The following PTPRS variants were observed in gnomAD, a reference collection of about 807,000 sequenced individuals.
The protein encoded by PTPRS is receptor-type tyrosine-protein phosphatase S.
In PTPRS, 63 loss-of-function variants were observed where a neutral mutation model predicts 215.3. The observed-to-expected ratio is 0.29, with a 90% confidence interval of 0.24 to 0.36. PTPRS has a LOEUF of 0.36. PTPRS is among the 10% of genes least tolerant of loss of function. The probability of loss-of-function intolerance (pLI) is 1.00; values close to 1 mark genes in which losing one functional copy is unlikely to be tolerated. For missense variants in PTPRS, 2,258 were observed against 2,825.8 expected (o/e 0.80, Z 4.56); for synonymous variants, 1,404 against 1,191.4 (o/e 1.18, Z -3.68).
chr19:5,292,835 C>CG (rs1220603613), intron 1 of PTPRS: 1 of 143,806 alleles, frequency 7.0e-6, no homozygotes, highest in African/African-American at 2.5e-5. Context: ...GCTCCGCCCC[C>CG]GGGAGGTGGG....
intron 1 of PTPRS, among the ~76,000 whole-genome samples, chr19:5,311,292 A>T (rs79963700): frequency 4.9e-4 from 75 of 152,280 alleles, no homozygotes; most frequent in Non-Finnish European, 9.8e-4. Context: ...TTATAGGCTG[A>T]GCCACTGCGC....
At chr19:5,304,128 C>T (rs2049399765) in intron 1 of PTPRS, among the ~76,000 whole-genome samples, 1 of 151,878 alleles carries the variant, frequency 6.6e-6, no homozygotes, top group African/African-American at 2.4e-5. Flanking sequence ...GCACTAAGGA[C>T]ACAAGATGAC....
rs199829286 is a variant in PTPRS at position 5,222,749 on chromosome 19, G to A, written c.3043C>T (p.Arg1015Cys). Residue 1015 changes from arginine to cysteine, a missense_variant, in exon 18 of 38, where the codon CGC becomes TGC. Transcript: ENST00000262963. ...GGGCTGAAGGGGCCAGGGCCCCGGCGCGTGTGGGCTCGCACTTGGAGGTCA... is the reference window on the plus strand; with the variant it reads ...GGGCTGAAGGGGCCAGGGCCCCGGCACGTGTGGGCTCGCACTTGGAGGTCA... ...AYDLQVRAHTRRGPGPFSPPV... is the reference protein window; with the variant it reads ...AYDLQVRAHTCRGPGPFSPPV... 367 of 1,598,444 alleles carry A rather than the reference G, an allele frequency of 2.3e-4. No individual in the cohort carries two copies. Among genetic ancestry groups the A allele is most frequent in the Admixed American group, 3.0e-4 (18 of 59,856 alleles).
chr19:5,318,127 C>A (rs1600112008), intron 1 of PTPRS, among the ~76,000 whole-genome samples: 1 of 150,268 alleles, frequency 6.7e-6, no homozygotes, highest in Non-Finnish European at 1.5e-5. Flanking sequence ...GCCGAGATCA[C>A]GCCACTGCAC....
At chr19:5,213,887 C>T (rs1224674869) in intron 30 of PTPRS, among the ~76,000 whole-genome samples, 1 of 152,228 alleles carries the variant, frequency 6.6e-6, no homozygotes, top group Non-Finnish European at 1.5e-5. Context: ...ACAGATGGAA[C>T]CGCACTATGG....
intron 1 of PTPRS, among the ~76,000 whole-genome samples, chr19:5,318,014 A>C (rs1197130699): frequency 6.6e-6 from 1 of 152,168 alleles, no homozygotes; most frequent in Non-Finnish European, 1.5e-5. Context: ...TACTAAAAAT[A>C]CAAAAAATTA....
chr19:5,229,698 G>GCAC lies in PTPRS; in HGVS notation c.2156-15_2156-14insGTG. On this transcript the variant is annotated splice_polypyrimidine_tract_variant and intron_variant, in intron 14 of 37. Coordinates refer to ENST00000262963, the MANE Select transcript of PTPRS (RefSeq NM_002850.4). ...GCGCGCTGGGCACTGGCGGGCGGGA[G>GCAC]GGGAGGGGAGGGGCGGGCGGAGCCG... The GCAC allele has an allele frequency of 1.6e-6, 2 of 1,218,512 alleles. No homozygotes were observed. The highest frequency in any genetic ancestry group is 2.1e-6 in the Non-Finnish European group (2 of 973,514). 75.5% of individuals were successfully genotyped at this position (1,218,512 alleles called of 1,614,324 possible). A position where few individuals can be genotyped will look rare whatever the true frequency, so the allele number is the denominator to read the frequency against.
rs377452209 is a variant in PTPRS at position 5,258,060 on chromosome 19, G to A, written c.663C>T (p.Ser221=). Residue 221 remains serine, a synonymous_variant, in exon 8 of 38, where the codon AGC becomes AGT. Transcript: ENST00000262963. The part of the protein sequence containing the change: ...QGKYECVATN[S]AGVRYSSPAN... Reference sequence around the variant, plus strand: ...CAGGTGAGGAGTAGCGCACGCCGGCGCTGTTGGTGGCCACACACTCATATT... The same window carrying A: ...CAGGTGAGGAGTAGCGCACGCCGGCACTGTTGGTGGCCACACACTCATATT... 76 of 1,614,050 alleles carry A rather than the reference G, an allele frequency of 4.7e-5. No individual in the cohort carries two copies. Among genetic ancestry groups the A allele is most frequent in the Non-Finnish European group, 6.1e-5 (72 of 1,180,026 alleles).
chr19:5,297,694 C>T (rs75555558), intron 1 of PTPRS, among the ~76,000 whole-genome samples: 6,405 of 152,100 alleles, frequency 0.042, 210 homozygotes, highest in East Asian at 0.17. Context: ...GCAAATCAGA[C>T]ATACAAACAC....
chr19:5,229,476 CG>C lies in PTPRS; in HGVS notation c.2349+14del, dbSNP rs566650270. ...CCGGAGCCCGTCCCCGGCCCCGCCC[CG>C]GCCCCCCGCCCACCTGGGCATCGGC... On this transcript the variant is annotated intron_variant, in intron 15 of 37. Transcript: ENST00000262963. The C allele has an allele frequency of 1.4e-6, 2 of 1,408,794 alleles. No homozygotes were observed. The highest frequency in any genetic ancestry group is 3.0e-5 in the African/African-American group (2 of 65,826). 87.3% of individuals were successfully genotyped at this position (1,408,794 alleles called of 1,614,324 possible). A position where few individuals can be genotyped will look rare whatever the true frequency, so the allele number is the denominator to read the frequency against.
chr19:5,321,202 G>A (rs553794313), intron 1 of PTPRS, among the ~76,000 whole-genome samples: 14 of 152,330 alleles, frequency 9.2e-5, no homozygotes, highest in Admixed American at 1.3e-4. Context: ...GAGCCTGGGA[G>A]GTTGAGGCTG....
At chr19:5,264,540 G>A (rs1409135036) in intron 5 of PTPRS, among the ~76,000 whole-genome samples, 4 of 152,112 alleles carry the variant, frequency 2.6e-5, no homozygotes, top group Non-Finnish European at 5.9e-5. Context: ...CAAACTCCTG[G>A]CCTCAAGCAA....
intron 28 of PTPRS, 59 bp downstream of exon 28, chr19:5,215,230 A>T (rs1225468750): frequency 1.2e-6 from 2 of 1,602,980 alleles, no homozygotes; most frequent in Non-Finnish European, 1.7e-6. Context: ...GAGACATGGG[A>T]TCTAGCACTT....
Position 5,229,321 on chromosome 19 carries a change from C to G in PTPRS, c.2371G>C (p.Glu791Gln), listed in dbSNP as rs1417612381. 7.2e-7 allele frequency: 1 copy of G among 1,379,802 alleles called. No individual in the cohort carries two copies. The allele number at this position is 1,379,802 out of a possible 1,614,324, so 85.5% of individuals were successfully genotyped here. A position where few individuals can be genotyped will look rare whatever the true frequency, so the allele number is the denominator to read the frequency against. Residue 791 changes from glutamate to glutamine, a missense_variant, in exon 16 of 38, where the codon GAA becomes CAA. By Grantham distance (29) the Glu-to-Gln change is conservative. This residue lies in a region of PTPRS where 371 missense variants were observed against 446.7 expected (regional missense o/e 0.83). Transcript: ENST00000262963. Reference sequence around the variant, plus strand: ...TGGCCAGGGGCGCTACTTACATATTCGGCCGTGTCATCCGTCTCCCACTGA... The same window carrying G: ...TGGCCAGGGGCGCTACTTACATATTGGGCCGTGTCATCCGTCTCCCACTGA... ...DAQWETDDTA[E>Q]YEMVITNLQP...
At chr19:5,222,446 G>A (rs2042066307) in intron 18 of PTPRS, among the ~76,000 whole-genome samples, 1 of 150,772 alleles carries the variant, frequency 6.6e-6, no homozygotes, top group Non-Finnish European at 1.5e-5. Flanking sequence ...CAGAAAGAAG[G>A]TGGAGGAGGA....
chr19:5,336,803 G>C (rs536483715), intron 1 of PTPRS, among the ~76,000 whole-genome samples: 2 of 151,736 alleles, frequency 1.3e-5, no homozygotes, highest in African/African-American at 4.8e-5. Flanking sequence ...GGGCGGCGGC[G>C]GGTGGTGGGG....
intron 2 of PTPRS, among the ~76,000 whole-genome samples, chr19:5,283,270 T>C (rs555896403): frequency 6.0e-5 from 3 of 49,676 alleles, no homozygotes; most frequent in African/African-American, 1.4e-4. Context: ...CCCCAGCACT[T>C]TCTCCTGTCA....
chr19:5,298,680 C>T (rs2049215084), intron 1 of PTPRS, among the ~76,000 whole-genome samples: 1 of 152,240 alleles, frequency 6.6e-6, no homozygotes, highest in Non-Finnish European at 1.5e-5. Context: ...CCGCCAGCCG[C>T]ACCGCAGCGG....
intron 4 of PTPRS, among the ~76,000 whole-genome samples, chr19:5,265,498 C>A (rs557087394): frequency 2.0e-5 from 3 of 152,246 alleles, no homozygotes; most frequent in Non-Finnish European, 4.4e-5. Flanking sequence ...TGCGCCACCA[C>A]GCCTGGCTAA....
Sources: allele counts gnomAD v4.1 joint callset (sites outside exome capture counted in the v4.1 genomes callset), GRCh38; gene constraint gnomAD v4.1.1; regional missense constraint gnomAD v4.1.1; transcripts MANE v1.5; gene names NCBI Gene and HGNC (gene_info 2026-07-23, HGNC 2026-07-21).